ABCA4: variants seen among roughly 807,000 people sequenced by gnomAD.
ABCA4 encodes the protein retinal-specific phospholipid-transporting ATPase ABCA4.
A neutral mutation model predicts 263.7 loss-of-function variants in ABCA4; 196 were observed. That is an observed-to-expected ratio of 0.74 (90% CI 0.66 to 0.84). The LOEUF (loss-of-function observed/expected upper bound fraction) is 0.84, where lower values mean the gene tolerates loss of function less well. Among genes scored for constraint, ABCA4 ranks in the 40% least tolerant of loss-of-function variants. ABCA4 has a pLI of 0.00. For synonymous variants in ABCA4, 1,133 were observed against 1,094.2 expected, an observed-to-expected ratio of 1.04 and a Z score of -0.70; for missense variants, 2,792 against 2,855.1, an observed-to-expected ratio of 0.98 and a Z score of 0.50.
chr1:94,099,072 A>G (rs1324948451), intron 5 of ABCA4, 81 bp from the exon 6 acceptor site: 2 of 1,409,366 alleles, frequency 1.4e-6, no homozygotes, highest in Non-Finnish European at 1.9e-6. Context: ...ACCTGGGAAT[A>G]CCTTGTGTTA....
chr1:93,993,104 G>T lies in ABCA4; in HGVS notation c.*133C>A. On this transcript the variant is annotated 3_prime_UTR_variant, in exon 50 of 50. Coordinates refer to ENST00000370225, the MANE Select transcript of ABCA4 (RefSeq NM_000350.3). ...TTTCTGAATTCGCTGCATGCTCCTC[G>T]TGTGTTTGTTTTCTGCTGCAGTGGG... 8.3e-7 allele frequency: 1 copy of T among 1,197,950 alleles called. No homozygotes were observed. Among genetic ancestry groups the T allele is most frequent in the African/African-American group, 1.5e-5 (1 of 66,268 alleles). The allele number at this position is 1,197,950 out of a possible 1,614,324, so 74.2% of individuals were successfully genotyped here.
At position 94,042,877 on chromosome 1, in the gene ABCA4, G is replaced by A. The variant is rs61750065; in HGVS notation, c.3212C>T (p.Ser1071Leu). ...ATCTCCCACAAAGGCAATGGCAACC[G>A]ACAGCTTTCTCTGCATGCCACCTGG... ...DLSGGMQRKLSVAIAFVGDAK... is the reference protein window; with the variant it reads ...DLSGGMQRKLLVAIAFVGDAK... Residue 1071 changes from serine to leucine, a missense_variant, in exon 22 of 50, where the codon TCG becomes TTG. Transcript: ENST00000370225. The A allele has an allele frequency of 6.8e-6, 11 of 1,614,174 alleles. No homozygotes were observed. Among genetic ancestry groups the A allele is most frequent in the South Asian group, 3.3e-5 (3 of 91,076 alleles).
At chr1:94,101,728 T>C (rs1662292107) in intron 5 of ABCA4, among the ~76,000 whole-genome samples, 1 of 152,162 alleles carries the variant, frequency 6.6e-6, no homozygotes, top group South Asian at 2.1e-4. Context: ...GTCTGGGATA[T>C]CAGCTGCTGC....
intron 40 of ABCA4, among the ~76,000 whole-genome samples, chr1:94,010,340 G>C (rs1659510894): frequency 1.7e-5 from 2 of 116,436 alleles, no homozygotes; most frequent in Middle Eastern, 4.5e-3. Context: ...CTCCAGGAGT[G>C]GGGGGTCGTG....
At chr1:94,093,651 A>T (rs1216291259) in intron 6 of ABCA4, among the ~76,000 whole-genome samples, 7 of 69,116 alleles carry the variant, frequency 1.0e-4, no homozygotes, top group Admixed American at 1.8e-4. Context: ...GTAAATCCAT[A>T]AAAGAACATC....
At chr1:94,103,963 G>A (rs537737119) in intron 4 of ABCA4, among the ~76,000 whole-genome samples, 10 of 152,232 alleles carry the variant, frequency 6.6e-5, no homozygotes, top group South Asian at 2.1e-4. Context: ...CTTGGGGCAA[G>A]TGATTGAGCC....
chr1:94,112,525 A>T (rs12058742), intron 2 of ABCA4, among the ~76,000 whole-genome samples: 8,264 of 152,316 alleles, frequency 0.054, 527 homozygotes, highest in African/African-American at 0.15. Flanking sequence ...GGGCTGGACA[A>T]GGTGGCTCAT....
chr1:93,996,393 T>C (rs1244900393), intron 48 of ABCA4, among the ~76,000 whole-genome samples, 198 bp from the exon 49 acceptor site: 1 of 152,194 alleles, frequency 6.6e-6, no homozygotes, highest in Non-Finnish European at 1.5e-5. Flanking sequence ...CTTCTTAGAC[T>C]AGACTCCTGA....
chr1:94,038,698 A>G (rs1660409097), intron 24 of ABCA4, among the ~76,000 whole-genome samples: 1 of 152,204 alleles, frequency 6.6e-6, no homozygotes, highest in South Asian at 2.1e-4. Context: ...AATTGAACCC[A>G]AAGCTGCTGG....
chr1:94,020,845 A>G (rs990357987), intron 35 of ABCA4, among the ~76,000 whole-genome samples: 12 of 152,214 alleles, frequency 7.9e-5, no homozygotes, highest in Non-Finnish European at 1.6e-4. Flanking sequence ...GACATCTCCA[A>G]AGTATGCTCT....
chr1:94,086,721 T>C (rs992329285), intron 6 of ABCA4, among the ~76,000 whole-genome samples: 32 of 152,186 alleles, frequency 2.1e-4, no homozygotes, highest in African/African-American at 7.2e-4. Flanking sequence ...TTTTTCCTGA[T>C]TGACAATTCC....
intron 6 of ABCA4, among the ~76,000 whole-genome samples, chr1:94,096,957 C>T (rs1662137641): frequency 6.6e-6 from 1 of 152,196 alleles, no homozygotes; most frequent in African/African-American, 2.4e-5. Context: ...GAGAGGGAGC[C>T]TCTGGTGGCT....
chr1:94,074,045 G>A (rs2101095173), intron 11 of ABCA4, among the ~76,000 whole-genome samples: 1 of 152,288 alleles, frequency 6.6e-6, no homozygotes, highest in South Asian at 2.1e-4. Flanking sequence ...AACTGTACAA[G>A]GGAACTGCAG....
chr1:94,048,916 G>A lies in ABCA4; in HGVS notation c.2695C>T (p.Pro899Ser). Residue 899 changes from proline to serine, a missense_variant, in exon 18 of 50, where the codon CCC becomes TCC. By Grantham distance (74) the Pro-to-Ser change is moderately conservative (BLOSUM62 -1). Transcript: ENST00000370225. ...REERALEKTE[P>S]LTEETEDPEH... ...GGATCCTCCGTTTCCTCTGTTAGGG[G>A]CTCGGTCTTTTCCAGGGCTCTTTCT... is the stretch of plus-strand genomic sequence containing the variant. 1 of 1,614,108 alleles carries A rather than the reference G, an allele frequency of 6.2e-7. No individual in the cohort carries two copies. Among genetic ancestry groups the A allele is most frequent in the South Asian group, 1.1e-5 (1 of 91,068 alleles).
At chr1:94,043,122 C>T (rs1229799758) in intron 21 of ABCA4, among the ~76,000 whole-genome samples, 1 of 152,232 alleles carries the variant, frequency 6.6e-6, no homozygotes, top group Non-Finnish European at 1.5e-5. Flanking sequence ...TGTTCAAGCA[C>T]ATCAATCTCA....
intron 5 of ABCA4, among the ~76,000 whole-genome samples, chr1:94,100,640 C>T (rs1662261140): frequency 6.6e-6 from 1 of 152,138 alleles, no homozygotes; most frequent in Non-Finnish European, 1.5e-5. Flanking sequence ...GGGGGTGAGC[C>T]AGAGAACTGT....
In ABCA4 at chr1:94,008,857, G is replaced by A. The variant is rs1443256833; in HGVS notation, c.5729C>T (p.Thr1910Ile). ...ATCTTCATCAACAATGGGCTCCTTA[G>A]TGGGCTCGGCAATCCTAGATGAAGA... Reference protein sequence around the residue: ...FFLSQWIAEPTKEPIVDEDDD... With the variant: ...FFLSQWIAEPIKEPIVDEDDD... Residue 1910 changes from threonine to isoleucine, a missense_variant, in exon 41 of 50, where the codon ACT (threonine) becomes ATT (isoleucine). Coordinates refer to ENST00000370225, the MANE Select transcript of ABCA4 (RefSeq NM_000350.3). The A allele has an allele frequency of 1.2e-6, 2 of 1,612,866 alleles. No homozygotes were observed. Among genetic ancestry groups the A allele is most frequent in the Non-Finnish European group, 8.5e-7 (1 of 1,179,868 alleles).
rs562525380 is a variant in ABCA4, at chr1:94,040,141, A to T, written c.3523-14T>A. 10 of 1,595,698 alleles carry T rather than the reference A, an allele frequency of 6.3e-6. No individual in the cohort carries two copies. The Admixed American group carries it at 1.0e-4, about 16-fold the overall frequency. ...GCTGCAGGTCCCCTGCAACAGATGG[A>T]TGGGATGACTGACAAGATGCACATC... On this transcript the variant is annotated splice_polypyrimidine_tract_variant and intron_variant, in intron 23 of 49. Transcript: ENST00000370225.
intron 11 of ABCA4, among the ~76,000 whole-genome samples, chr1:94,067,095 C>CTGAGT (rs1160491861): frequency 6.6e-6 from 1 of 152,180 alleles, no homozygotes; most frequent in Non-Finnish European, 1.5e-5. Flanking sequence ...TATATGTTTA[C>CTGAGT]TGAGTTGAGT....
Sources: gnomAD v4.1 joint callset for allele counts (sites outside exome capture counted in the v4.1 genomes callset) on GRCh38, gnomAD v4.1.1 for gene constraint, MANE v1.5 for transcripts, NCBI Gene and HGNC (gene_info 2026-07-23, HGNC 2026-07-21) for gene names.